TJP1: variants seen among roughly 807,000 people sequenced by gnomAD.
TJP1 encodes the protein tight junction protein ZO-1.
A neutral mutation model predicts 194.2 loss-of-function variants in TJP1; 43 were observed. The observed-to-expected ratio is 0.22, with a 90% confidence interval of 0.17 to 0.29. The LOEUF (loss-of-function observed/expected upper bound fraction) is 0.29. TJP1 is among the 10% of genes least tolerant of loss of function. The pLI is 1.00. For missense variants in TJP1, 1,971 were observed against 2,185.7 expected, an observed-to-expected ratio of 0.90 and a Z score of 1.96; for synonymous variants, 801 against 779.0, an observed-to-expected ratio of 1.03 and a Z score of -0.47.
rs926769512 is a variant in TJP1, at chr15:29,718,574, G to T, written c.3568C>A (p.Gln1190Lys). 1.9e-6 allele frequency: 3 copies of T among 1,614,022 alleles called. No homozygotes were observed. The highest frequency in any genetic ancestry group is 2.2e-5 in the South Asian group (2 of 91,072). ...CTGCGTGAATATTGCTCAAAATACT[G>T]CTTGGACTCTGCAGGCTTGGGCCCT... ...SAGPKPAESKQYFEQYSRSYE... is the reference protein window; with the variant it reads ...SAGPKPAESKKYFEQYSRSYE... Residue 1190 changes from glutamine to lysine, a missense_variant, in exon 21 of 28, where the codon CAG becomes AAG. By Grantham distance (53) the Gln-to-Lys change is moderately conservative. This residue lies in a region of TJP1 where 1,108 missense variants were observed against 1,128.5 expected (regional missense o/e 0.98). Coordinates refer to ENST00000614355, the MANE Select transcript of TJP1 (RefSeq NM_001330239.4).
Position 29,707,874 on chromosome 15 carries a change from G to A in TJP1, c.4850+685C>T, listed in dbSNP as rs1004166007. On this transcript the variant is annotated intron_variant, in intron 25 of 27. Transcript: ENST00000614355. Reference sequence around the variant, plus strand: ...CACATGCACCTTACCAGTAGGTCAGGAGGTTACAAAAGGTCATGGCTGGTT... The same window carrying A: ...CACATGCACCTTACCAGTAGGTCAGAAGGTTACAAAAGGTCATGGCTGGTT... Among the ~76,000 whole-genome samples the A allele has an allele frequency of 3.9e-5, 6 of 152,276 alleles. 1 individual carries two copies. Among genetic ancestry groups the A allele is most frequent in the African/African-American group, 1.4e-4 (6 of 41,564 alleles).
chr15:29,715,550 A>C (rs1047156977), intron 23 of TJP1, among the ~76,000 whole-genome samples: 7 of 152,238 alleles, frequency 4.6e-5, no homozygotes, highest in Non-Finnish European at 1.0e-4. Context: ...GATAATCCCA[A>C]GCCCACGCAA....
At chr15:29,949,616 A>T (rs1223549480) in intron 2 of TJP1, among the ~76,000 whole-genome samples, 413 of 88,574 alleles carry the variant, frequency 4.7e-3, no homozygotes, top group African/African-American at 0.017. Context: ...CACCTTCACC[A>T]CCACCACCTC....
intron 1 of TJP1, 85 bp downstream of exon 1, chr15:29,821,917 G>C: frequency 8.7e-7 from 1 of 1,148,566 alleles, no homozygotes; most frequent in South Asian, 4.3e-5. Context: ...CCGCCAGCGA[G>C]GGAGGGCGGG....
intron 1 of TJP1, among the ~76,000 whole-genome samples, chr15:29,820,307 T>C (rs900457319): frequency 2.0e-5 from 3 of 152,266 alleles, no homozygotes; most frequent in African/African-American, 7.2e-5. Flanking sequence ...CACTGAATAT[T>C]ATTTCATTTC....
At chr15:29,952,582 A>G (rs754400585) in intron 2 of TJP1, among the ~76,000 whole-genome samples, 1 of 152,160 alleles carries the variant, frequency 6.6e-6, no homozygotes, top group Non-Finnish European at 1.5e-5. Flanking sequence ...TCCACTTGCT[A>G]TGTTTTTCTA....
intron 1 of TJP1, among the ~76,000 whole-genome samples, chr15:29,961,085 A>C (rs1472655961): frequency 6.6e-6 from 1 of 152,142 alleles, no homozygotes; most frequent in African/African-American, 2.4e-5. Context: ...CCTGTAACTC[A>C]GGTGAGAAGA....
chr15:29,718,607 G>T lies in TJP1; in HGVS notation c.3535C>A (p.Pro1179Thr). Residue 1179 changes from proline to threonine, a missense_variant, in exon 21 of 28, where the codon CCT (proline) becomes ACT (threonine). This residue lies in a region of TJP1 where 1,108 missense variants were observed against 1,128.5 expected (regional missense o/e 0.98). Coordinates refer to ENST00000614355, the MANE Select transcript of TJP1 (RefSeq NM_001330239.4). Reference sequence around the variant, plus strand: ...TCTGCAGGCTTGGGCCCTGCTGAAGGGTGGGGCTGGGCTTCCGGTCTGAGT... The same window carrying T: ...TCTGCAGGCTTGGGCCCTGCTGAAGTGTGGGGCTGGGCTTCCGGTCTGAGT... The part of the protein sequence containing the change: ...GRLRPEAQPH[P>T]SAGPKPAESK... 6.2e-7 allele frequency: 1 copy of T among 1,614,192 alleles called. No individual in the cohort carries two copies. The highest frequency in any genetic ancestry group is 1.1e-5 in the South Asian group (1 of 91,082).
intron 1 of TJP1, among the ~76,000 whole-genome samples, chr15:29,804,573 G>A (rs1313835487): frequency 6.6e-6 from 1 of 152,122 alleles, no homozygotes; most frequent in Non-Finnish European, 1.5e-5. Flanking sequence ...AGTGGAGAAA[G>A]GAAAACCAGG....
intron 2 of TJP1, among the ~76,000 whole-genome samples, chr15:29,949,894 C>T (rs2055590457): frequency 9.3e-6 from 1 of 106,974 alleles, no homozygotes; most frequent in Non-Finnish European, 1.9e-5. Context: ...CCACCTCCAC[C>T]TCCACAACCA....
chr15:29,703,846 T>G (rs2041716455), intron 27 of TJP1, among the ~76,000 whole-genome samples: 1 of 152,126 alleles, frequency 6.6e-6, no homozygotes, highest in Non-Finnish European at 1.5e-5. Context: ...TTTCACCATG[T>G]TGGTCAGGCT....
chr15:29,819,748 T>C (rs373437264), intron 1 of TJP1, among the ~76,000 whole-genome samples: 3 of 152,338 alleles, frequency 2.0e-5, no homozygotes, highest in African/African-American at 7.2e-5. Context: ...AGAAAATACA[T>C]TGTTTCATCT....
intron 8 of TJP1, among the ~76,000 whole-genome samples, chr15:29,754,019 C>T (rs2045481127): frequency 6.6e-6 from 1 of 152,040 alleles, no homozygotes; most frequent in Non-Finnish European, 1.5e-5. Flanking sequence ...CTGAAACTCA[C>T]CAATCAGGGT....
intron 2 of TJP1, among the ~76,000 whole-genome samples, chr15:29,950,038 C>T (rs2055625879): frequency 1.2e-5 from 1 of 84,264 alleles, no homozygotes. Flanking sequence ...CCTTCACCAC[C>T]ACCTCCACCA....
At chr15:29,909,232 G>T (rs1025403265) in intron 2 of TJP1, among the ~76,000 whole-genome samples, 21 of 151,548 alleles carry the variant, frequency 1.4e-4, no homozygotes, top group African/African-American at 4.6e-4. Flanking sequence ...CAGCTACTTG[G>T]GAGGCTAAGG....
Position 29,933,479 on chromosome 15 carries a change from T to C in TJP1, c.306+22753A>G, listed in dbSNP as rs895083383. ...GAAGAATGTCAAGAAGAAGATAACA[T>C]TCAACTGCCAATCCTGAAAAGAAGT... On this transcript the variant is annotated intron_variant, in intron 2 of 28. Coordinates refer to the TJP1 transcript ENST00000356107. Among the ~76,000 whole-genome samples, 8 of 152,104 alleles carry C rather than the reference T, an allele frequency of 5.3e-5. 1 individual carries two copies. The highest frequency in any genetic ancestry group is 4.1e-4 in the South Asian group (2 of 4,826).
intron 5 of TJP1, among the ~76,000 whole-genome samples, chr15:29,763,470 A>C (rs956545049): frequency 3.3e-5 from 5 of 152,202 alleles, no homozygotes; most frequent in African/African-American, 1.2e-4. Context: ...CTAAGTGTTT[A>C]AAAATTACAT....
rs189167179 is a variant in TJP1 at position 29,832,335 on chromosome 15, T to C, written c.307-31633A>G. Among the ~76,000 whole-genome samples, 24 of 152,196 alleles carry C rather than the reference T, an allele frequency of 1.6e-4. 1 individual carries two copies. The highest frequency in any genetic ancestry group is 3.4e-4 in the African/African-American group (14 of 41,546). On this transcript the variant is annotated intron_variant, in intron 2 of 28. Coordinates refer to the TJP1 transcript ENST00000356107. ...ACCTGTAGACATATGAGTGAGGGAA[T>C]TGTAGACCACACAGCCCCAGCCAAG...
intron 2 of TJP1, among the ~76,000 whole-genome samples, chr15:29,953,155 T>TTTTTTTTTTTTTTTTTTTC (rs2055816504): frequency 6.8e-6 from 1 of 146,804 alleles, no homozygotes; most frequent in Non-Finnish European, 1.5e-5. Flanking sequence ...TTTTTTTTTT[T>TTTTTTTTTTTTTTTTTTTC]TTTTGCAACG....
Sources: gnomAD v4.1 joint callset for allele counts (sites outside exome capture counted in the v4.1 genomes callset) on GRCh38, gnomAD v4.1.1 for gene constraint, gnomAD v4.1.1 regional missense constraint, MANE v1.5 for transcripts, NCBI Gene and HGNC (gene_info 2026-07-23, HGNC 2026-07-21) for gene names.